USP14: variants seen among roughly 807,000 people sequenced by gnomAD.
USP14 encodes the protein ubiquitin carboxyl-terminal hydrolase 14.
Under a neutral mutation model 76.5 loss-of-function variants are expected in USP14, and 38 were observed. The ratio of observed to expected loss-of-function variants is 0.50; its 90% CI spans 0.38 to 0.65. The LOEUF (loss-of-function observed/expected upper bound fraction) is 0.65, where lower values mean the gene tolerates loss of function less well. Ranked by LOEUF, USP14 falls within the 30% of genes least tolerant of loss-of-function variation. USP14 has a pLI of 0.00. For missense variants in USP14, 467 were observed against 586.5 expected, an observed-to-expected ratio of 0.80 and a Z score of 2.10; for synonymous variants, 192 against 191.7, an observed-to-expected ratio of 1.00 and a Z score of -0.01.
At chr18:186,376 A>C (rs1239892643) in intron 5 of USP14, among the ~76,000 whole-genome samples, 2 of 152,130 alleles carry the variant, frequency 1.3e-5, no homozygotes, top group South Asian at 2.1e-4. Context: ...GGAATGCTTG[A>C]GCTCAGGAGT....
At chr18:172,484 C>T (rs964293768) in intron 3 of USP14, among the ~76,000 whole-genome samples, 4 of 152,164 alleles carry the variant, frequency 2.6e-5, no homozygotes, top group African/African-American at 9.7e-5. Flanking sequence ...ACTCCAGTTT[C>T]GAAAGAAGTC....
rs1163176031 is a variant in USP14 at position 196,784 on chromosome 18, A to G, written c.594+17A>G. The G allele has an allele frequency of 1.2e-6, 2 of 1,608,874 alleles. No individual in the cohort carries two copies. Among genetic ancestry groups the G allele is most frequent in the South Asian group, 2.2e-5 (2 of 89,438 alleles). On this transcript the variant is annotated intron_variant, in intron 7 of 15. Transcript: ENST00000261601. ...CTTCAACAGGTAATTAGGGCAAGGT[A>G]TTTTTCATTCTGTAAATGTAAAACT...
At chr18:159,801 A>G (rs992867934) in intron 1 of USP14, among the ~76,000 whole-genome samples, 2 of 152,206 alleles carry the variant, frequency 1.3e-5, no homozygotes, top group African/African-American at 2.4e-5. Flanking sequence ...AGCGCTGACC[A>G]GAGTTTCTTT....
At chr18:164,634 A>G (rs1909218727) in intron 2 of USP14, among the ~76,000 whole-genome samples, 1 of 151,884 alleles carries the variant, frequency 6.6e-6, no homozygotes, top group South Asian at 2.1e-4. Flanking sequence ...TTGTATTTTT[A>G]GTAGAGATGG....
At chr18:196,495 G>C in intron 6 of USP14, 142 bp from the exon 7 acceptor site, 2 of 869,840 alleles carry the variant, frequency 2.3e-6, no homozygotes, top group South Asian at 4.0e-5. Flanking sequence ...CTGCACTCCA[G>C]CCTGGGCAAC....
intron 3 of USP14, among the ~76,000 whole-genome samples, chr18:168,453 G>C (rs956876916): frequency 6.6e-6 from 1 of 150,942 alleles, no homozygotes; most frequent in Non-Finnish European, 1.5e-5. Flanking sequence ...TCTTTTTTTT[G>C]AGACAGAGTC....
chr18:210,897 A>G (rs1180463595), intron 15 of USP14, among the ~76,000 whole-genome samples: 3 of 152,024 alleles, frequency 2.0e-5, no homozygotes, highest in Non-Finnish European at 2.9e-5. Context: ...TACACTTGAG[A>G]GAATGTGGGT....
chr18:168,033 G>A (rs1255929202), intron 3 of USP14, among the ~76,000 whole-genome samples: 1 of 150,430 alleles, frequency 6.6e-6, no homozygotes, highest in Non-Finnish European at 1.5e-5. Flanking sequence ...TGCCTCCCGG[G>A]TTAAAGCAAT....
At chr18:193,162 C>T (rs579219) in intron 6 of USP14, among the ~76,000 whole-genome samples, 92,817 of 151,896 alleles carry the variant, frequency 0.61, 28,598 homozygotes, top group South Asian at 0.76. Context: ...TTGTATAATA[C>T]ATATCTTTGG....
intron 5 of USP14, among the ~76,000 whole-genome samples, chr18:184,792 G>C (rs978686547): frequency 6.6e-6 from 1 of 151,952 alleles, no homozygotes; most frequent in African/African-American, 2.4e-5. Flanking sequence ...AATAAAAAGA[G>C]AGTGGGATGT....
At chr18:193,291 TA>T (rs1156777571) in intron 6 of USP14, among the ~76,000 whole-genome samples, 2 of 152,174 alleles carry the variant, frequency 1.3e-5, no homozygotes, top group African/African-American at 4.8e-5. Context: ...ATAGTAATCT[TA>T]AAGGATAGAA....
In USP14 at chr18:162,290, A is replaced by G. The variant is rs573542243; in HGVS notation, c.17-1018A>G. 5.3e-5 allele frequency among the ~76,000 whole-genome samples: 8 copies of G among 152,216 alleles called. No individual in the cohort carries two copies. In the East Asian group the frequency reaches 7.7e-4, roughly 15 times the overall value. ...AATTGCTGGATCATATGGTAATTCT[A>G]TGTTTACTTTTATTCCCCCCAGCAG... On this transcript the variant is annotated intron_variant, in intron 1 of 15. Coordinates refer to ENST00000261601, the MANE Select transcript of USP14 (RefSeq NM_005151.4).
chr18:175,933 T>A (rs773044651), intron 3 of USP14, among the ~76,000 whole-genome samples: 2 of 152,208 alleles, frequency 1.3e-5, no homozygotes, highest in South Asian at 4.1e-4. Flanking sequence ...TAGGACTATT[T>A]AGATATTATG....
rs184907660 is a variant in USP14, at chr18:201,877, T to C, written c.877-1003T>C. Among the ~76,000 whole-genome samples, 4 of 152,356 alleles carry C rather than the reference T, an allele frequency of 2.6e-5. No homozygotes were observed. In the East Asian group the frequency reaches 7.7e-4, roughly 29 times the overall value. On this transcript the variant is annotated intron_variant, in intron 10 of 15. Transcript: ENST00000261601. The stretch of plus-strand genomic sequence containing the variant: ...TATTCCTAGAATGTATTTATTTCCT[T>C]TATAACTTTTAAGATATTTTATCTT...
At chr18:162,739 G>T (rs1325620295) in intron 1 of USP14, among the ~76,000 whole-genome samples, 1 of 151,994 alleles carries the variant, frequency 6.6e-6, no homozygotes, top group Non-Finnish European at 1.5e-5. Flanking sequence ...CAGAAGACTT[G>T]GGAGTTTATT....
chr18:210,698 T>C (rs55916581), intron 15 of USP14, among the ~76,000 whole-genome samples: 33,472 of 152,132 alleles, frequency 0.22, 4,158 homozygotes, highest in South Asian at 0.35. Flanking sequence ...AAGTTAGTTT[T>C]AAAAATGATA....
intron 6 of USP14, among the ~76,000 whole-genome samples, chr18:193,490 A>G (rs900421648): frequency 6.6e-6 from 1 of 152,136 alleles, no homozygotes; most frequent in Non-Finnish European, 1.5e-5. Flanking sequence ...TGTATAATTC[A>G]TTGTTTTTTA....
rs1369741222 is a variant in USP14 at position 213,141 on chromosome 18, G to GTAAC, written c.*1859_*1862dup. On this transcript the variant is annotated 3_prime_UTR_variant, in exon 16 of 16. Coordinates refer to ENST00000261601, the MANE Select transcript of USP14 (RefSeq NM_005151.4). ...ATTCATGTATATTTGTATGATGCTT[G>GTAAC]TAACTTTGCAAAGTCTTTTTTATTC... is the stretch of plus-strand genomic sequence containing the variant. The GTAAC allele has an allele frequency of 6.6e-6, 1 of 151,928 alleles. No individual in the cohort carries two copies. Among genetic ancestry groups the GTAAC allele is most frequent in the African/African-American group, 2.4e-5 (1 of 41,238 alleles). 9.4% of individuals were successfully genotyped at this position (151,928 alleles called of 1,614,324 possible).
intron 3 of USP14, among the ~76,000 whole-genome samples, chr18:168,335 A>G (rs1490645453): frequency 6.6e-6 from 1 of 152,236 alleles, no homozygotes; most frequent in Non-Finnish European, 1.5e-5. Flanking sequence ...TTCTGTGTAC[A>G]TAAACGTGTT....
Sources: gnomAD v4.1 joint callset for allele counts (sites outside exome capture counted in the v4.1 genomes callset) on GRCh38, gnomAD v4.1.1 for gene constraint, MANE v1.5 for transcripts, NCBI Gene and HGNC (gene_info 2026-07-23, HGNC 2026-07-21) for gene names.